The following RIT2 variants were observed in gnomAD, a reference collection of about 807,000 sequenced individuals.
RIT2 encodes GTP-binding protein Rit2.
RIT2 carries 24 observed loss-of-function variants against 23.7 expected under a neutral mutation model. That is an observed-to-expected ratio of 1.01 (90% CI 0.73 to 1.43). The LOEUF (loss-of-function observed/expected upper bound fraction) is 1.43, where lower values mean the gene tolerates loss of function less well. Among genes scored for constraint, RIT2 ranks in the 40% most tolerant of loss-of-function variants. The pLI is 0.00. For synonymous variants in RIT2, 107 were observed against 91.1 expected (o/e 1.17, Z -0.99); for missense variants, 236 against 266.9 (o/e 0.88, Z 0.81).
At chr18:43,108,949 T>C (rs1191290202) in intron 1 of RIT2, among the ~76,000 whole-genome samples, 1 of 152,226 alleles carries the variant, frequency 6.6e-6, no homozygotes, top group Non-Finnish European at 1.5e-5. Flanking sequence ...GATGTGACAA[T>C]TGTTGAGCTT....
intron 4 of RIT2, among the ~76,000 whole-genome samples, chr18:42,835,458 A>G (rs1010139445): frequency 2.6e-5 from 4 of 152,158 alleles, no homozygotes; most frequent in Non-Finnish European, 1.5e-5. Context: ...ATTTCTCCAA[A>G]GCTTACATTA....
chr18:42,931,795 T>C (rs1226718407), intron 3 of RIT2, among the ~76,000 whole-genome samples: 1 of 152,092 alleles, frequency 6.6e-6, no homozygotes, highest in African/African-American at 2.4e-5. Flanking sequence ...TCATTCCCAA[T>C]GTGATACTGA....
chr18:42,833,774 T>C (rs1002809118), intron 4 of RIT2, among the ~76,000 whole-genome samples: 33 of 152,086 alleles, frequency 2.2e-4, no homozygotes, highest in African/African-American at 7.2e-4. Context: ...CAAGTATTTA[T>C]TGAGCACCAA....
At chr18:43,113,771 T>C (rs567656891) in intron 1 of RIT2, among the ~76,000 whole-genome samples, 1 of 152,206 alleles carries the variant, frequency 6.6e-6, no homozygotes, top group Admixed American at 6.5e-5. Flanking sequence ...TAAAAGCAAA[T>C]ACCTAACCAG....
At chr18:42,874,654 A>G (rs1214899302) in intron 4 of RIT2, among the ~76,000 whole-genome samples, 1 of 152,120 alleles carries the variant, frequency 6.6e-6, no homozygotes, top group East Asian at 1.9e-4. Flanking sequence ...TATGCAATAC[A>G]TTTCTCCCTT....
intron 1 of RIT2, among the ~76,000 whole-genome samples, chr18:43,036,043 A>T (rs1337760199): frequency 6.6e-6 from 1 of 152,240 alleles, no homozygotes; most frequent in East Asian, 1.9e-4. Context: ...GAAGCAATAG[A>T]AAGAACTGTT....
chr18:42,968,964 AT>A (rs1166351723), intron 3 of RIT2, among the ~76,000 whole-genome samples: 4 of 152,136 alleles, frequency 2.6e-5, no homozygotes, highest in African/African-American at 9.7e-5. Context: ...TAATATATGA[AT>A]TTGAAAATTG....
At chr18:42,931,023 C>T (rs1909312931) in intron 3 of RIT2, among the ~76,000 whole-genome samples, 1 of 152,110 alleles carries the variant, frequency 6.6e-6, no homozygotes, top group Non-Finnish European at 1.5e-5. Context: ...GAACTGTCCT[C>T]AGATTTTGGC....
At chr18:42,988,541 C>A (rs1910768266) in intron 2 of RIT2, among the ~76,000 whole-genome samples, 1 of 151,650 alleles carries the variant, frequency 6.6e-6, no homozygotes, top group Non-Finnish European at 1.5e-5. Flanking sequence ...TTCTCATTGG[C>A]CTGGCATGAT....
chr18:43,067,950 A>G (rs893155620), intron 1 of RIT2, among the ~76,000 whole-genome samples: 5 of 152,168 alleles, frequency 3.3e-5, no homozygotes, highest in African/African-American at 1.2e-4. Context: ...ATACTGAGAG[A>G]GAAAATAATT....
At chr18:42,768,829 A>ACTATATACAAAAAATGTATATTTGGTCT (rs1913483820) in intron 4 of RIT2, among the ~76,000 whole-genome samples, 2 of 152,164 alleles carry the variant, frequency 1.3e-5, no homozygotes, top group Non-Finnish European at 2.9e-5. Context: ...GATATTTATC[A>ACTATATACAAAAAATGTATATTTGGTCT]CTGCTTGCCC....
At chr18:42,986,502 T>C (rs1255167157) in intron 2 of RIT2, among the ~76,000 whole-genome samples, 1 of 151,906 alleles carries the variant, frequency 6.6e-6, no homozygotes, top group Non-Finnish European at 1.5e-5. Flanking sequence ...TTATGCATTT[T>C]ATTTATTTAT....
intron 4 of RIT2, among the ~76,000 whole-genome samples, chr18:42,906,007 CATAT>C (rs1167959698): frequency 4.7e-3 from 15 of 3,172 alleles, no homozygotes; most frequent in African/African-American, 5.7e-3. Context: ...TATATATATA[CATAT>C]ATATATATAT....
intron 2 of RIT2, among the ~76,000 whole-genome samples, chr18:43,005,980 A>G (rs1911218657): frequency 6.6e-6 from 1 of 151,772 alleles, no homozygotes; most frequent in South Asian, 2.1e-4. Context: ...AGCTCCCTCA[A>G]TGCTTCCGAA....
chr18:42,986,487 T>C (rs2144221118), intron 2 of RIT2, among the ~76,000 whole-genome samples: 1 of 152,156 alleles, frequency 6.6e-6, no homozygotes, highest in East Asian at 1.9e-4. Context: ...AGCTGTTTAT[T>C]TTTATTATGC....
intron 4 of RIT2, among the ~76,000 whole-genome samples, chr18:42,898,346 A>G (rs1303410902): frequency 6.6e-6 from 1 of 152,140 alleles, no homozygotes; most frequent in Non-Finnish European, 1.5e-5. Flanking sequence ...GTGAGCTGAG[A>G]TTGCACCACT....
At chr18:42,953,503 G>C (rs1909902728) in intron 3 of RIT2, among the ~76,000 whole-genome samples, 2 of 152,132 alleles carry the variant, frequency 1.3e-5, no homozygotes, top group Non-Finnish European at 2.9e-5. Flanking sequence ...GGCATTTGTA[G>C]AGAAGCCAGT....
intron 2 of RIT2, among the ~76,000 whole-genome samples, chr18:43,002,008 A>G (rs1598744433): frequency 6.6e-6 from 1 of 152,068 alleles, no homozygotes; most frequent in East Asian, 2.0e-4. Flanking sequence ...CTTAAGGAGT[A>G]TTGGCTCACA....
At chr18:42,900,878 C>G (rs904162304) in intron 4 of RIT2, among the ~76,000 whole-genome samples, 4 of 152,004 alleles carry the variant, frequency 2.6e-5, no homozygotes, top group African/African-American at 7.2e-5. Context: ...CAGTGGCTCT[C>G]AAAGTGTGAA....
Sources: gnomAD v4.1 joint callset for allele counts (sites outside exome capture counted in the v4.1 genomes callset) on GRCh38, gnomAD v4.1.1 for gene constraint, MANE v1.5 for transcripts, NCBI Gene and HGNC (gene_info 2026-07-23, HGNC 2026-07-21) for gene names.